Variants in SLC36A1 observed in about 807,000 individuals in gnomAD.
The protein encoded by SLC36A1 is proton-coupled amino acid transporter 1.
In SLC36A1, 30 loss-of-function variants were observed where a neutral mutation model predicts 47.5. The observed-to-expected ratio is 0.63, with a 90% CI of 0.47 to 0.86. SLC36A1 has a LOEUF of 0.86. SLC36A1 is among the 40% of genes least tolerant of loss of function. The pLI is 0.00. For missense variants in SLC36A1, 517 were observed against 606.0 expected, an observed-to-expected ratio of 0.85 and a Z score of 1.54; for synonymous variants, 255 against 249.7, an observed-to-expected ratio of 1.02 and a Z score of -0.20.
chr5:151,494,595 C>G (rs1313131386), downstream of SLC36A1, among the ~76,000 whole-genome samples: 1 of 152,166 alleles, frequency 6.6e-6, no homozygotes, highest in African/African-American at 2.4e-5. Flanking sequence ...ACATAATCAT[C>G]CTTTTTATAT....
chr5:151,534,166 G>A, the SLC36A1 span, among the ~76,000 whole-genome samples: 1 of 152,170 alleles, frequency 6.6e-6, no homozygotes. Context: ...AGGTCTAAGT[G>A]GAAGGGGAGA....
the SLC36A1 span, among the ~76,000 whole-genome samples, chr5:151,518,653 G>A: frequency 1.3e-5 from 2 of 152,208 alleles, no homozygotes; most frequent in African/African-American, 2.4e-5. Context: ...GTGATAGACT[G>A]TATGGCCAAA....
intron 8 of SLC36A1, 136 bp from the exon 9 acceptor site, chr5:151,476,452 CTT>C (rs1192544165): frequency 9.3e-6 from 6 of 647,284 alleles, no homozygotes; most frequent in Non-Finnish European, 1.3e-5. Flanking sequence ...GATGAAATAA[CTT>C]TATTTAAAGA....
chr5:151,545,545 T>G, the SLC36A1 span: 1 of 1,614,184 alleles, frequency 6.2e-7, no homozygotes. Context: ...ATCTCTGACA[T>G]GAATGATGAC....
chr5:151,371,616 A>T, the SLC36A1 span, among the ~76,000 whole-genome samples: 1 of 152,350 alleles, frequency 6.6e-6, no homozygotes, highest in Admixed American at 6.5e-5. Context: ...CTAATATTCT[A>T]TCTTGTTATC....
chr5:151,502,309 CAA>C, the SLC36A1 span, among the ~76,000 whole-genome samples: 3 of 127,028 alleles, frequency 2.4e-5, no homozygotes, highest in African/African-American at 3.3e-5. Context: ...GAGACTCTGT[CAA>C]AAAAAAAAAA....
chr5:151,474,159 CAA>C (rs1156305401), intron 8 of SLC36A1, among the ~76,000 whole-genome samples: 61 of 59,938 alleles, frequency 1.0e-3, no homozygotes, highest in African/African-American at 4.3e-3. Flanking sequence ...GACTCTGTCT[CAA>C]AAAAAAAAAA....
At chr5:151,395,898 C>T in the SLC36A1 span, among the ~76,000 whole-genome samples, 1 of 152,090 alleles carries the variant, frequency 6.6e-6, no homozygotes, top group Non-Finnish European at 1.5e-5. Flanking sequence ...CAACCTCCAC[C>T]TCCCGAGTTC....
chr5:151,525,876 G>T, the SLC36A1 span: 1 of 1,614,204 alleles, frequency 6.2e-7, no homozygotes, highest in South Asian at 1.1e-5. Flanking sequence ...TCCCCTTGGT[G>T]ATTCGAAACG....
the SLC36A1 span, among the ~76,000 whole-genome samples, chr5:151,537,379 G>A: frequency 6.5e-5 from 9 of 137,918 alleles, no homozygotes; most frequent in African/African-American, 8.0e-5. Flanking sequence ...AAGAAACAAC[G>A]AACAACGAAA....
the SLC36A1 span, among the ~76,000 whole-genome samples, chr5:151,396,044 AAG>A: frequency 6.6e-6 from 1 of 151,548 alleles, no homozygotes; most frequent in Non-Finnish European, 1.5e-5. Context: ...TCCTGACCTC[AAG>A]GGACCTGCTC....
chr5:151,465,673 C>T (rs1756244721), intron 5 of SLC36A1, among the ~76,000 whole-genome samples: 1 of 152,070 alleles, frequency 6.6e-6, no homozygotes, highest in African/African-American at 2.4e-5. Context: ...GTGTCATGAG[C>T]TAGGAGTACA....
Position 151,474,419 on chromosome 5 carries a change from T to G in SLC36A1, c.822+648T>G, listed in dbSNP as rs538963840. Among the ~76,000 whole-genome samples the G allele has an allele frequency of 5.9e-5, 9 of 152,040 alleles. No individual in the cohort carries two copies. The South Asian group carries it at 1.9e-3, about 32-fold the overall frequency. ...GGTAAGTCCTGGCTCTGCCATAGAG[T>G]AGCTGTGTGACCTTGAGCAAGGGCT... On this transcript the variant is annotated intron_variant, in intron 8 of 10. Coordinates refer to ENST00000243389, the MANE Select transcript of SLC36A1 (RefSeq NM_078483.4).
At chr5:151,350,933 C>A in the SLC36A1 span, among the ~76,000 whole-genome samples, 1 of 152,094 alleles carries the variant, frequency 6.6e-6, no homozygotes, top group Non-Finnish European at 1.5e-5. Flanking sequence ...CCTGAGCCCG[C>A]CTTGGCCTCC....
chr5:151,469,223 G>A (rs1475839630), intron 7 of SLC36A1: 1 of 699,488 alleles, frequency 1.4e-6, no homozygotes, highest in African/African-American at 1.7e-5. Flanking sequence ...CCCGCTGTAT[G>A]TGATTGGTCT....
At chr5:151,352,605 A>G in the SLC36A1 span, among the ~76,000 whole-genome samples, 1 of 152,208 alleles carries the variant, frequency 6.6e-6, no homozygotes, top group Non-Finnish European at 1.5e-5. Flanking sequence ...CAGCAGGGCT[A>G]TGCTTCCTCC....
chr5:151,380,825 G>A, the SLC36A1 span: 34 of 489,626 alleles, frequency 6.9e-5, no homozygotes, highest in East Asian at 1.8e-3. Context: ...AGAACTGGCA[G>A]CAGCAGACCC....
At chr5:151,388,506 GAAA>G in the SLC36A1 span, among the ~76,000 whole-genome samples, 1 of 104,784 alleles carries the variant, frequency 9.5e-6, no homozygotes, top group South Asian at 3.1e-4. Context: ...CATCTCAAAA[GAAA>G]AAAAAAAAAA....
the SLC36A1 span, among the ~76,000 whole-genome samples, chr5:151,420,139 A>G: frequency 1.3e-5 from 2 of 152,162 alleles, no homozygotes; most frequent in Admixed American, 1.3e-4. Flanking sequence ...GTGCCCACTG[A>G]GCCTCCCTCA....
Sources: gnomAD v4.1 joint callset for allele counts (sites outside exome capture counted in the v4.1 genomes callset) on GRCh38, gnomAD v4.1.1 for gene constraint, MANE v1.5 for transcripts, NCBI Gene and HGNC (gene_info 2026-07-23, HGNC 2026-07-21) for gene names.